Variants in CCDC171 observed in about 807,000 individuals in gnomAD.
The protein encoded by CCDC171 is coiled-coil domain-containing protein 171.
A neutral mutation model predicts 168.2 loss-of-function variants in CCDC171; 177 were observed. That is an observed-to-expected ratio of 1.05 (90% CI 0.93 to 1.19). CCDC171 has a LOEUF of 1.19. Among genes scored for constraint, CCDC171 ranks in the 50% most tolerant of loss-of-function variants. CCDC171 has a pLI of 0.00. For missense variants in CCDC171, 1,991 were observed against 1,539.0 expected (o/e 1.29, Z -4.91); for synonymous variants, 687 against 540.8 (o/e 1.27, Z -3.75).
At chr9:15,911,425 C>T (rs532339558) in intron 24 of CCDC171, among the ~76,000 whole-genome samples, 4 of 152,114 alleles carry the variant, frequency 2.6e-5, no homozygotes, top group African/African-American at 9.6e-5. Flanking sequence ...TGTTTAAGTC[C>T]CTTGTAGATT....
Position 15,744,677 on chromosome 9 carries a change from C to T in CCDC171, c.2454C>T (p.Gly818=). 1 of 1,614,094 alleles carries T rather than the reference C, an allele frequency of 6.2e-7. No individual in the cohort carries two copies. Among genetic ancestry groups the T allele is most frequent in the Non-Finnish European group, 8.5e-7 (1 of 1,180,026 alleles). ...VLAANRLKIL[G]QSCASLFTWM... is the part of the protein sequence containing the mutation. Reference sequence around the variant, plus strand: ...CAGCAAACAGACTCAAGATTTTGGGCCAATCATGTGCCTCTCTTTTTACCT... The same window carrying T: ...CAGCAAACAGACTCAAGATTTTGGGTCAATCATGTGCCTCTCTTTTTACCT... The change falls in exon 17 of 26, where the codon GGC becomes GGT. Residue 818 remains glycine, a synonymous_variant. Coordinates refer to ENST00000380701, the MANE Select transcript of CCDC171 (RefSeq NM_173550.4).
In CCDC171 at chr9:15,564,017, C is replaced by A. The variant is rs1377896639; in HGVS notation, c.-72C>A. The A allele has an allele frequency of 4.1e-6, 5 of 1,224,476 alleles. No individual in the cohort carries two copies. Among genetic ancestry groups the A allele is most frequent in the Non-Finnish European group, 5.9e-6 (5 of 840,558 alleles). 75.9% of individuals were successfully genotyped at this position (1,224,476 alleles called of 1,614,324 possible). ...AACGTGAAGCCACAGACATCTTGGG[C>A]AATTTTAATCATCAAGAAAGAAATA... On this transcript the variant is annotated 5_prime_UTR_variant, in exon 2 of 26. Transcript: ENST00000380701.
chr9:16,050,873 C>A (rs758270232), intron 1 of CCDC171, among the ~76,000 whole-genome samples: 2 of 152,144 alleles, frequency 1.3e-5, no homozygotes, highest in Non-Finnish European at 2.9e-5. Flanking sequence ...CCAGGTATAT[C>A]CGATGACCAC....
chr9:15,945,670 A>G (rs1589208238), intron 25 of CCDC171, among the ~76,000 whole-genome samples: 1 of 149,376 alleles, frequency 6.7e-6, no homozygotes, highest in Non-Finnish European at 1.5e-5. Flanking sequence ...TGGCTGCATA[A>G]ATGTCTTCTT....
At chr9:16,041,989 C>G (rs571810506), upstream of CCDC171, among the ~76,000 whole-genome samples, 44 of 152,362 alleles carry the variant, frequency 2.9e-4, no homozygotes, top group Middle Eastern at 6.8e-3. Context: ...AGCCCGCTTT[C>G]TGAGTCTCAT....
chr9:15,731,852 A>C (rs1207007399), intron 16 of CCDC171, among the ~76,000 whole-genome samples: 1 of 152,016 alleles, frequency 6.6e-6, no homozygotes, highest in Non-Finnish European at 1.5e-5. Flanking sequence ...CCTCTGCAGC[A>C]CTTGGTATTG....
intron 7 of CCDC171, among the ~76,000 whole-genome samples, chr9:15,638,466 G>C (rs1263158202): frequency 5.9e-5 from 9 of 152,052 alleles, no homozygotes; most frequent in African/African-American, 9.6e-5. Flanking sequence ...ATTAAGGTAA[G>C]ATGGGATAAT....
intron 16 of CCDC171, among the ~76,000 whole-genome samples, chr9:15,735,267 A>G (rs1474332830): frequency 1.3e-5 from 2 of 152,206 alleles, no homozygotes; most frequent in East Asian, 3.8e-4. Flanking sequence ...TTGAGCCATC[A>G]TGTAAATATA....
At position 15,925,663 on chromosome 9, in the gene CCDC171, A is replaced by C. The variant is rs184351698; in HGVS notation, c.3753+5241A>C. Among the ~76,000 whole-genome samples, 20 of 151,784 alleles carry C rather than the reference A, an allele frequency of 1.3e-4. No individual in the cohort carries two copies. The East Asian group carries it at 3.9e-3, about 30-fold the overall frequency. The stretch of plus-strand genomic sequence containing the variant: ...AGTTTTTTGCTTTTGGAAATGGATC[A>C]ATGGTCTCATTTACTGATAAAGAAA... On this transcript the variant is annotated intron_variant, in intron 25 of 25. Coordinates refer to ENST00000380701, the MANE Select transcript of CCDC171 (RefSeq NM_173550.4).
At chr9:15,913,218 T>A (rs915443932) in intron 24 of CCDC171, among the ~76,000 whole-genome samples, 1 of 152,238 alleles carries the variant, frequency 6.6e-6, no homozygotes, top group African/African-American at 2.4e-5. Context: ...TTGTTATTGG[T>A]CTATTCAGGG....
chr9:15,628,008 G>A (rs2045315379), intron 7 of CCDC171, among the ~76,000 whole-genome samples: 1 of 152,070 alleles, frequency 6.6e-6, no homozygotes, highest in East Asian at 1.9e-4. Context: ...TATTGTGTAG[G>A]GTGATAAGGA....
intron 21 of CCDC171, among the ~76,000 whole-genome samples, chr9:15,814,717 A>G (rs1332312429): frequency 3.3e-5 from 5 of 152,098 alleles, no homozygotes; most frequent in South Asian, 4.1e-4. Context: ...TTGTATTTGT[A>G]GAATCATCTA....
chr9:15,915,054 T>C (rs2131900142), intron 24 of CCDC171, among the ~76,000 whole-genome samples: 1 of 152,252 alleles, frequency 6.6e-6, no homozygotes, highest in South Asian at 2.1e-4. Context: ...TCTGCATTGG[T>C]CTTGCTGGGA....
chr9:15,880,886 C>T (rs1818555136), intron 24 of CCDC171, among the ~76,000 whole-genome samples: 1 of 152,068 alleles, frequency 6.6e-6, no homozygotes, highest in East Asian at 1.9e-4. Flanking sequence ...GTAAATACTA[C>T]CCAGAGAAGA....
chr9:15,598,271 C>G (rs186805284), intron 6 of CCDC171, among the ~76,000 whole-genome samples: 36 of 151,942 alleles, frequency 2.4e-4, no homozygotes, highest in African/African-American at 5.8e-4. Flanking sequence ...TTCCTGCTTT[C>G]TCTTGTGGGC....
In CCDC171 at chr9:15,920,386, C is replaced by T. The variant is rs186953800; in HGVS notation, c.3717C>T (p.His1239=). ...TTGCAGCCTTGAAATCAGAACTTCA[C>T]ACAGCTTGTTTACGTGAAAATGCAA... ...SHIAALKSEL[H]TACLRENASL... The change falls in exon 25 of 26, where the codon CAC becomes CAT. Residue 1239 remains histidine, a synonymous_variant. Coordinates refer to ENST00000380701, the MANE Select transcript of CCDC171 (RefSeq NM_173550.4). 1.7e-5 allele frequency: 27 copies of T among 1,608,786 alleles called. No individual in the cohort carries two copies. In the East Asian group the frequency reaches 5.8e-4, roughly 35 times the overall value.
chr9:16,010,070 C>G (rs2132982226), intron 3 of CCDC171, among the ~76,000 whole-genome samples: 1 of 152,236 alleles, frequency 6.6e-6, no homozygotes, highest in South Asian at 2.1e-4. Flanking sequence ...AGTGCCTCAA[C>G]AGAGTACCCA....
the CCDC171 span, among the ~76,000 whole-genome samples, chr9:16,092,483 T>C: frequency 6.6e-6 from 1 of 152,148 alleles, no homozygotes; most frequent in African/African-American, 2.4e-5. Context: ...TCTGCTCCAC[T>C]TCCCCCTTTG....
At chr9:15,683,416 TAGG>T (rs1161562791) in intron 10 of CCDC171, among the ~76,000 whole-genome samples, 2 of 152,014 alleles carry the variant, frequency 1.3e-5, no homozygotes, top group East Asian at 1.9e-4. Context: ...TCTGATTTTG[TAGG>T]AGGTTTTCAA....
Sources: gnomAD v4.1 joint callset for allele counts (sites outside exome capture counted in the v4.1 genomes callset) on GRCh38, gnomAD v4.1.1 for gene constraint, MANE v1.5 for transcripts, NCBI Gene and HGNC (gene_info 2026-07-23, HGNC 2026-07-21) for gene names.